The following ESR1 variants were observed in gnomAD, a reference collection of about 807,000 sequenced individuals.
The protein encoded by ESR1 is estrogen receptor.
A neutral mutation model predicts 52.7 loss-of-function variants in ESR1; 12 were observed. That is an observed-to-expected ratio of 0.23 (90% CI 0.15 to 0.37). The LOEUF is 0.37. Ranked by LOEUF, ESR1 falls within the 10% of genes least tolerant of loss-of-function variation. The pLI, the probability that ESR1 is intolerant of heterozygous loss-of-function variation, is 1.00. For synonymous variants in ESR1, 305 were observed against 316.8 expected (o/e 0.96, Z 0.39); for missense variants, 584 against 779.7 (o/e 0.75, Z 2.99).
At chr6:151,673,711 T>C (rs537307282) in intron 1 of ESR1, among the ~76,000 whole-genome samples, 4 of 152,250 alleles carry the variant, frequency 2.6e-5, no homozygotes, top group African/African-American at 9.6e-5. Flanking sequence ...AGTGAGACCC[T>C]ATCTCAACAA....
chr6:151,978,198 A>T (rs190897099), intron 4 of ESR1, among the ~76,000 whole-genome samples: 198 of 152,266 alleles, frequency 1.3e-3, no homozygotes, highest in African/African-American at 4.4e-3. Context: ...AATAGAGGGC[A>T]TCTGGAAATA....
intron 1 of ESR1, among the ~76,000 whole-genome samples, chr6:151,700,873 C>G (rs1345877961): frequency 6.6e-6 from 1 of 151,986 alleles, no homozygotes; most frequent in Non-Finnish European, 1.5e-5. Context: ...ACCAAAAAAA[C>G]CCAGGGCCTT....
intron 5 of ESR1, among the ~76,000 whole-genome samples, chr6:152,032,035 A>G (rs2044762719): frequency 6.6e-6 from 1 of 152,240 alleles, no homozygotes; most frequent in Admixed American, 6.5e-5. Context: ...ACCAATGACA[A>G]AAACCACATG....
At chr6:151,781,127 T>C (rs1331566181) in intron 2 of ESR1, among the ~76,000 whole-genome samples, 2 of 152,232 alleles carry the variant, frequency 1.3e-5, no homozygotes, top group Non-Finnish European at 2.9e-5. Flanking sequence ...ATTTTAGAGA[T>C]GAGGAAACTG....
chr6:152,073,160 G>A (rs2048480005), intron 6 of ESR1, among the ~76,000 whole-genome samples: 1 of 152,062 alleles, frequency 6.6e-6, no homozygotes, highest in Admixed American at 6.5e-5. Context: ...AAGAGTTTCG[G>A]AAATGTGAGC....
intron 1 of ESR1, among the ~76,000 whole-genome samples, chr6:151,668,097 G>T (rs1777892609): frequency 6.6e-6 from 1 of 151,912 alleles, no homozygotes; most frequent in Non-Finnish European, 1.5e-5. Flanking sequence ...CCTGAGACTG[G>T]GTAATTTACA....
At chr6:151,868,710 A>T (rs1711171502) in intron 2 of ESR1, among the ~76,000 whole-genome samples, 1 of 152,078 alleles carries the variant, frequency 6.6e-6, no homozygotes, top group African/African-American at 2.4e-5. Context: ...AGGATAACTG[A>T]TGGGCAATTG....
At chr6:152,078,258 C>G (rs2048904988) in intron 6 of ESR1, among the ~76,000 whole-genome samples, 1 of 152,144 alleles carries the variant, frequency 6.6e-6, no homozygotes, top group African/African-American at 2.4e-5. Context: ...GTAAGAAGTG[C>G]CTTTCACAAG....
chr6:152,000,967 C>G (rs2041899856), intron 4 of ESR1, among the ~76,000 whole-genome samples: 1 of 151,984 alleles, frequency 6.6e-6, no homozygotes, highest in African/African-American at 2.4e-5. Flanking sequence ...AATACGGTTA[C>G]TCTTTATCTT....
chr6:151,849,649 A>G (rs1016713647), intron 2 of ESR1, among the ~76,000 whole-genome samples: 13 of 151,912 alleles, frequency 8.6e-5, no homozygotes, highest in Non-Finnish European at 1.6e-4. Flanking sequence ...ATCTCAAAAA[A>G]AAAAAAATAA....
intron 1 of ESR1, among the ~76,000 whole-genome samples, chr6:151,677,813 G>A (rs1778303096): frequency 6.6e-6 from 1 of 152,208 alleles, no homozygotes; most frequent in Non-Finnish European, 1.5e-5. Flanking sequence ...TTTGCAAAGG[G>A]AGGAGGGTTT....
At chr6:152,084,720 C>A (rs988733250) in intron 6 of ESR1, among the ~76,000 whole-genome samples, 16 of 133,118 alleles carry the variant, frequency 1.2e-4, no homozygotes, top group Admixed American at 5.7e-4. Context: ...AAAAAAAAAA[C>A]AGTTATTCAA....
intron 4 of ESR1, among the ~76,000 whole-genome samples, chr6:151,993,719 G>T (rs2041236274): frequency 6.6e-6 from 1 of 152,206 alleles, no homozygotes; most frequent in South Asian, 2.1e-4. Flanking sequence ...CTGGGAGGAA[G>T]CAGAGTGGGT....
rs1007871757 is a variant in ESR1 at position 151,812,938 on chromosome 6, C to T, written c.452+4574C>T. 8.0e-5 allele frequency among the ~76,000 whole-genome samples: 12 copies of T among 150,886 alleles called. No individual in the cohort carries two copies. The East Asian group carries it at 1.4e-3, about 17-fold the overall frequency. On this transcript the variant is annotated intron_variant, in intron 1 of 7. Transcript: ENST00000206249. ...TTGAGGGGTTTTATATTTTAAACTC[C>T]GCCAGTGAATTGACGTGTAATGTCA...
At chr6:151,879,657 GA>G (rs1298487141) in intron 2 of ESR1, among the ~76,000 whole-genome samples, 1 of 152,142 alleles carries the variant, frequency 6.6e-6, no homozygotes, top group Non-Finnish European at 1.5e-5. Context: ...TATATCCGGG[GA>G]ACTATGGTAA....
chr6:151,824,003 G>C (rs1442840792), intron 1 of ESR1, among the ~76,000 whole-genome samples: 3 of 151,962 alleles, frequency 2.0e-5, no homozygotes, highest in Non-Finnish European at 4.4e-5. Context: ...GGGATGGCTG[G>C]GTCAAATGGT....
intron 6 of ESR1, among the ~76,000 whole-genome samples, chr6:152,073,469 C>T (rs1439753148): frequency 1.3e-5 from 2 of 152,156 alleles, no homozygotes; most frequent in Non-Finnish European, 2.9e-5. Context: ...CAAAAGTAAC[C>T]ATTGTCAACA....
At chr6:151,863,174 G>A (rs1562489190) in intron 2 of ESR1, among the ~76,000 whole-genome samples, 1 of 152,064 alleles carries the variant, frequency 6.6e-6, no homozygotes, top group Non-Finnish European at 1.5e-5. Flanking sequence ...TTAAAATTCT[G>A]TGATGAAAGT....
rs767856456 is a variant in ESR1 at position 152,098,832 on chromosome 6, C to T, written c.1654C>T (p.Pro552Ser). The change falls in exon 8 of 8, where the codon CCC (proline) becomes TCC (serine). Residue 552 changes from proline to serine, a missense_variant. By Grantham distance (74) the Pro-to-Ser change is moderately conservative (BLOSUM62 -1). Transcript: ENST00000206249. The surrounding 1 kb of genome is among the most constrained non-coding windows in gnomAD (Gnocchi z 5.1). ...GCTGGACGCCCACCGCCTACATGCG[C>T]CCACTAGCCGTGGAGGGGCATCCGT... The part of the protein sequence containing the change: ...EMLDAHRLHA[P>S]TSRGGASVEE... 17 of 1,614,048 alleles carry T rather than the reference C, an allele frequency of 1.1e-5. No individual in the cohort carries two copies. Among genetic ancestry groups the T allele is most frequent in the African/African-American group, 5.3e-5 (4 of 74,920 alleles).
Sources: allele counts gnomAD v4.1 joint callset (sites outside exome capture counted in the v4.1 genomes callset), GRCh38; gene constraint gnomAD v4.1.1; non-coding constraint Gnocchi (gnomAD v3.1); transcripts MANE v1.5; gene names NCBI Gene and HGNC (gene_info 2026-07-23, HGNC 2026-07-21).